NRAP: variants seen among roughly 807,000 people sequenced by gnomAD.
The protein encoded by NRAP is nebulin related anchoring protein.
Under a neutral mutation model 225.9 loss-of-function variants are expected in NRAP, and 189 were observed. The observed-to-expected ratio is 0.84, with a 90% CI of 0.74 to 0.94. The LOEUF (loss-of-function observed/expected upper bound fraction) is 0.94, where lower values mean the gene tolerates loss of function less well. NRAP is among the 40% of genes least tolerant of loss of function. The pLI, the probability that NRAP is intolerant of heterozygous loss-of-function variation, is 0.00. For synonymous variants in NRAP, 769 were observed against 790.7 expected, an observed-to-expected ratio of 0.97 and a Z score of 0.46; for missense variants, 2,176 against 2,168.7, an observed-to-expected ratio of 1.00 and a Z score of -0.07.
intron 38 of NRAP, among the ~76,000 whole-genome samples, 169 bp downstream of exon 38, chr10:113,595,454 C>T (rs1846233355): frequency 6.6e-6 from 1 of 152,196 alleles, no homozygotes; most frequent in Non-Finnish European, 1.5e-5. Context: ...AAACGAGGAC[C>T]ACTGAGGAAA....
intron 6 of NRAP, among the ~76,000 whole-genome samples, chr10:113,652,181 T>C (rs1850018468): frequency 6.6e-6 from 1 of 152,016 alleles, no homozygotes; most frequent in African/African-American, 2.4e-5. Flanking sequence ...TTTTCCTCAC[T>C]TTACAAACGA....
intron 5 of NRAP, 78 bp downstream of exon 5, chr10:113,653,943 G>T: frequency 1.1e-6 from 1 of 876,744 alleles, no homozygotes; most frequent in Non-Finnish European, 2.0e-6. Context: ...TACCGAAATT[G>T]TAAAAGTCAA....
chr10:113,600,987 G>A (rs995528011), intron 35 of NRAP, among the ~76,000 whole-genome samples: 3 of 152,216 alleles, frequency 2.0e-5, no homozygotes, highest in Non-Finnish European at 4.4e-5. Flanking sequence ...TATGCAGAGA[G>A]GCTGGGACTG....
chr10:113,642,136 T>C (rs1849239024), intron 12 of NRAP, among the ~76,000 whole-genome samples: 1 of 152,172 alleles, frequency 6.6e-6, no homozygotes, highest in South Asian at 2.1e-4. Context: ...TACTTATGAC[T>C]ATATATCAGA....
intron 30 of NRAP, among the ~76,000 whole-genome samples, chr10:113,611,151 C>T (rs530303627): frequency 5.5e-4 from 84 of 152,256 alleles, no homozygotes; most frequent in African/African-American, 1.9e-3. Flanking sequence ...GCCTTCCAAT[C>T]GCTATCACAA....
chr10:113,654,013 G>A lies in NRAP; in HGVS notation c.465+8C>T, dbSNP rs755807970. ...ACCAATTCCTAAAGCAATTTCTAGG[G>A]TGCTTACCTCACCAAGAGACTTTCG... On this transcript the variant is annotated splice_region_variant and intron_variant, in intron 5 of 41. Transcript: ENST00000359988. The A allele has an allele frequency of 6.4e-7, 1 of 1,569,320 alleles. No homozygotes were observed. Among genetic ancestry groups the A allele is most frequent in the Admixed American group, 1.7e-5 (1 of 59,950 alleles).
chr10:113,643,041 T>A lies in NRAP; in HGVS notation c.1111-3A>T, dbSNP rs377119117. 41 of 1,482,258 alleles carry A rather than the reference T, an allele frequency of 2.8e-5. No homozygotes were observed. In the African/African-American group the frequency reaches 5.7e-4, roughly 20 times the overall value. 91.8% of individuals were successfully genotyped at this position (1,482,258 alleles called of 1,614,324 possible). ...TCCAGATCCTTCTTATACTCCACCT[T>A]GGAAATCAAAACACCAGACACACAA... On this transcript the variant is annotated splice_region_variant and splice_polypyrimidine_tract_variant and intron_variant, in intron 11 of 41. Coordinates refer to ENST00000359988, the MANE Select transcript of NRAP (RefSeq NM_198060.4).
intron 5 of NRAP, 147 bp downstream of exon 5, chr10:113,653,874 C>T (rs778245432): frequency 2.2e-5 from 15 of 679,650 alleles, no homozygotes; most frequent in African/African-American, 3.5e-5. Flanking sequence ...TGACTCTGAC[C>T]CTCCTGGTTT....
chr10:113,631,692 G>C, intron 17 of NRAP, 82 bp from the exon 18 acceptor site: 1 of 993,000 alleles, frequency 1.0e-6, no homozygotes, highest in Non-Finnish European at 1.6e-6. Flanking sequence ...AAGTGCAAGG[G>C]GAACAATTCT....
chr10:113,629,422 T>A (rs1848459644), intron 19 of NRAP, among the ~76,000 whole-genome samples, 166 bp downstream of exon 19: 1 of 152,238 alleles, frequency 6.6e-6, no homozygotes, highest in Non-Finnish European at 1.5e-5. Flanking sequence ...GTGTCAACTA[T>A]ATCTCTACCT....
At chr10:113,620,243 G>A (rs1847906701) in intron 25 of NRAP, among the ~76,000 whole-genome samples, 1 of 152,142 alleles carries the variant, frequency 6.6e-6, no homozygotes, top group Non-Finnish European at 1.5e-5. Flanking sequence ...GAAAGGGAGA[G>A]GAAGAAAATG....
intron 20 of NRAP, among the ~76,000 whole-genome samples, chr10:113,627,017 A>G (rs1342440493): frequency 1.3e-5 from 2 of 152,220 alleles, no homozygotes; most frequent in African/African-American, 2.4e-5. Flanking sequence ...GGGAGATCAG[A>G]GATGAGCTCA....
chr10:113,646,666 C>A (rs542030850), intron 10 of NRAP, among the ~76,000 whole-genome samples: 1 of 152,336 alleles, frequency 6.6e-6, no homozygotes, highest in Admixed American at 6.5e-5. Context: ...TCTCCTAACA[C>A]CCCACTCTGG....
intron 15 of NRAP, 76 bp from the exon 16 acceptor site, chr10:113,633,264 C>G: frequency 1.2e-6 from 1 of 806,718 alleles, no homozygotes; most frequent in Non-Finnish European, 2.2e-6. Flanking sequence ...AGCTCTTTCC[C>G]CCTTAGACCC....
chr10:113,603,742 C>A (rs1846749647), intron 35 of NRAP, among the ~76,000 whole-genome samples: 1 of 152,202 alleles, frequency 6.6e-6, no homozygotes, highest in Non-Finnish European at 1.5e-5. Flanking sequence ...GCTGCTCCTA[C>A]TCAAGTCCTT....
At chr10:113,659,113 T>G (rs1285912427) in intron 3 of NRAP, among the ~76,000 whole-genome samples, 2 of 152,188 alleles carry the variant, frequency 1.3e-5, no homozygotes, top group East Asian at 3.8e-4. Flanking sequence ...GATCTTTACA[T>G]GCTTTTTCCT....
rs1849298969 is a variant in NRAP at position 113,643,057 on chromosome 10, A to G, written c.1111-19T>C. 1 of 1,243,920 alleles carries G rather than the reference A, an allele frequency of 8.0e-7. No individual in the cohort carries two copies. The highest frequency in any genetic ancestry group is 1.2e-5 in the South Asian group (1 of 83,576). The allele number at this position is 1,243,920 out of a possible 1,614,324, so 77.1% of individuals were successfully genotyped here. A position where few individuals can be genotyped will look rare whatever the true frequency, so the allele number is the denominator to read the frequency against. ...ACTCCACCTTGGAAATCAAAACACC[A>G]GACACACAATAGAACCAAATCCGAA... is the stretch of plus-strand genomic sequence containing the variant. On this transcript the variant is annotated intron_variant, in intron 11 of 41. Coordinates refer to ENST00000359988, the MANE Select transcript of NRAP (RefSeq NM_198060.4).
In NRAP at chr10:113,631,582, G is replaced by A. The variant is rs1414051797; in HGVS notation, c.1769C>T (p.Thr590Ile). ...GGCTGTTCCCATGGCTTTGCCTTTT[G>A]TCTTTTCATATTCTTCTTTATATTT... ...NIKYKEEYEKTKGKAMGTADS... is the reference protein window; with the variant it reads ...NIKYKEEYEKIKGKAMGTADS... The change falls in exon 18 of 42, where the codon ACA (threonine) becomes ATA (isoleucine). Residue 590 changes from threonine to isoleucine, a missense_variant. Thr to Ile is a moderately conservative substitution (Grantham distance 89). Transcript: ENST00000359988. 1 of 1,611,116 alleles carries A rather than the reference G, an allele frequency of 6.2e-7. No homozygotes were observed. The highest frequency in any genetic ancestry group is 8.5e-7 in the Non-Finnish European group (1 of 1,177,756).
chr10:113,628,346 C>G (rs952552966), intron 20 of NRAP, among the ~76,000 whole-genome samples: 1 of 152,118 alleles, frequency 6.6e-6, no homozygotes, highest in African/African-American at 2.4e-5. Context: ...TGCCACCACA[C>G]CTGGCTGATT....
Sources: allele counts gnomAD v4.1 joint callset (sites outside exome capture counted in the v4.1 genomes callset), GRCh38; gene constraint gnomAD v4.1.1; transcripts MANE v1.5; gene names NCBI Gene and HGNC (gene_info 2026-07-23, HGNC 2026-07-21).